Variants in RBFOX1 observed in about 807,000 individuals in gnomAD.
The protein encoded by RBFOX1 is RNA binding fox-1 homolog 1, also known as RNA binding protein fox-1 homolog 1.
RBFOX1 carries 8 observed loss-of-function variants against 57.7 expected under a neutral mutation model. The ratio of observed to expected loss-of-function variants is 0.14; its 90% CI spans 0.08 to 0.25. The LOEUF is 0.25. Among genes scored for constraint, RBFOX1 ranks in the 10% least tolerant of loss-of-function variants. The probability of loss-of-function intolerance (pLI) is 1.00; values close to 1 mark genes in which losing one functional copy is unlikely to be tolerated. For missense variants in RBFOX1, 611 were observed against 548.5 expected, an observed-to-expected ratio of 1.11 and a Z score of -1.14; for synonymous variants, 326 against 222.4, an observed-to-expected ratio of 1.47 and a Z score of -4.15.
chr16:6,895,568 G>C (rs924509635), intron 3 of RBFOX1, among the ~76,000 whole-genome samples: 6 of 149,938 alleles, frequency 4.0e-5, no homozygotes, highest in South Asian at 2.1e-4. Context: ...TGAGAGGAAG[G>C]ATCTATGTTC....
chr16:5,429,787 G>C (rs557378351), intron 1 of RBFOX1, among the ~76,000 whole-genome samples: 2 of 152,300 alleles, frequency 1.3e-5, no homozygotes, highest in South Asian at 2.1e-4. Flanking sequence ...GTGGCTGATG[G>C]AGTGATTTAG....
chr16:6,845,553 A>T (rs937704260), intron 3 of RBFOX1, among the ~76,000 whole-genome samples: 1 of 152,034 alleles, frequency 6.6e-6, no homozygotes, highest in Admixed American at 6.6e-5. Flanking sequence ...CTGTTTTTGC[A>T]CCAGTGCCAT....
chr16:7,553,400 C>T (rs565188644), intron 5 of RBFOX1, among the ~76,000 whole-genome samples: 5 of 152,320 alleles, frequency 3.3e-5, no homozygotes, highest in South Asian at 4.1e-4. Flanking sequence ...TAGCATTGGT[C>T]TTCCAAAGCA....
chr16:6,649,747 T>C (rs1158586874), intron 2 of RBFOX1, among the ~76,000 whole-genome samples: 1 of 152,226 alleles, frequency 6.6e-6, no homozygotes. Flanking sequence ...GGGGAAGTAT[T>C]TTATTACATA....
chr16:5,454,957 TC>T (rs1324419725), intron 1 of RBFOX1, among the ~76,000 whole-genome samples: 52 of 63,570 alleles, frequency 8.2e-4, no homozygotes, highest in African/African-American at 2.9e-3. Flanking sequence ...CTTCCTTCCT[TC>T]CTTTCTTTCT....
intron 2 of RBFOX1, among the ~76,000 whole-genome samples, chr16:6,505,957 G>A (rs964091498): frequency 2.0e-5 from 3 of 152,152 alleles, no homozygotes; most frequent in African/African-American, 7.2e-5. Flanking sequence ...TTAGTGACAT[G>A]GGTGGAAGAG....
intron 1 of RBFOX1, among the ~76,000 whole-genome samples, chr16:6,127,612 T>C (rs2096599362): frequency 6.6e-6 from 1 of 152,212 alleles, no homozygotes; most frequent in African/African-American, 2.4e-5. Flanking sequence ...TTCAAATAAT[T>C]CTGTTCTCCA....
intron 3 of RBFOX1, among the ~76,000 whole-genome samples, chr16:6,715,828 G>C (rs1485479533): frequency 1.3e-5 from 2 of 152,194 alleles, no homozygotes; most frequent in South Asian, 2.1e-4. Context: ...TGTGTTTCTT[G>C]AGATCATGAA....
intron 3 of RBFOX1, among the ~76,000 whole-genome samples, chr16:6,983,274 G>C (rs2089434378): frequency 6.6e-6 from 1 of 152,076 alleles, no homozygotes; most frequent in Non-Finnish European, 1.5e-5. Context: ...AACTGCATTA[G>C]AATGATGTGC....
At chr16:5,913,014 C>A (rs1186547127) in intron 4 of RBFOX1, among the ~76,000 whole-genome samples, 1 of 152,122 alleles carries the variant, frequency 6.6e-6, no homozygotes, top group Non-Finnish European at 1.5e-5. Flanking sequence ...GGTCAGAAGA[C>A]CCAAGTCTAA....
At chr16:7,394,051 A>T (rs2098094318) in intron 4 of RBFOX1, among the ~76,000 whole-genome samples, 1 of 151,856 alleles carries the variant, frequency 6.6e-6, no homozygotes, top group Non-Finnish European at 1.5e-5. Flanking sequence ...TCCTGGCCAC[A>T]ATGGTGAAAC....
chr16:7,234,608 G>GTGTA (rs1343433277), intron 4 of RBFOX1, among the ~76,000 whole-genome samples: 7 of 149,408 alleles, frequency 4.7e-5, no homozygotes, highest in South Asian at 2.1e-4. Context: ...GTGTGTGTGT[G>GTGTA]TATATATATG....
intron 4 of RBFOX1, among the ~76,000 whole-genome samples, chr16:5,895,067 G>T (rs916938338): frequency 6.6e-6 from 1 of 150,474 alleles, no homozygotes; most frequent in South Asian, 2.1e-4. Flanking sequence ...TATTACACAA[G>T]TACTGAACTC....
At chr16:6,583,933 TTCA>T (rs1405683510) in intron 2 of RBFOX1, among the ~76,000 whole-genome samples, 1 of 152,056 alleles carries the variant, frequency 6.6e-6, no homozygotes. Flanking sequence ...CGATTGTATC[TTCA>T]TCACTCCAGT....
intron 4 of RBFOX1, among the ~76,000 whole-genome samples, chr16:7,265,094 A>G (rs1012062364): frequency 6.6e-6 from 1 of 152,254 alleles, no homozygotes; most frequent in African/African-American, 2.4e-5. Context: ...TGTTCTAGCA[A>G]TATTTATTGA....
chr16:7,427,884 C>G (rs1409174195), intron 4 of RBFOX1, among the ~76,000 whole-genome samples: 2 of 152,182 alleles, frequency 1.3e-5, no homozygotes, highest in Non-Finnish European at 1.5e-5. Context: ...AAACCCCTGA[C>G]CTCAGATGAT....
chr16:7,597,979 G>T (rs1026367302), intron 9 of RBFOX1, among the ~76,000 whole-genome samples: 2 of 152,120 alleles, frequency 1.3e-5, no homozygotes, highest in Non-Finnish European at 2.9e-5. Flanking sequence ...AGTTGAGAAT[G>T]TTGCTTTGTA....
In RBFOX1 at chr16:7,662,462, C is replaced by T. The variant is rs138695346; in HGVS notation, c.891-2467C>T. On this transcript the variant is annotated intron_variant, in intron 12 of 15. Transcript: ENST00000550418. ...AAGCAATGACTCAATCTCCTTCTGA[C>T]GCCTTCTCATGCCCACCCTTCCCTC... 3.6e-3 allele frequency among the ~76,000 whole-genome samples: 550 copies of T among 152,308 alleles called. 3 individuals are homozygous for T. Among genetic ancestry groups the T allele is most frequent in the Middle Eastern group, 0.027 (8 of 294 alleles).
At chr16:7,080,566 C>G (rs936456681) in intron 4 of RBFOX1, among the ~76,000 whole-genome samples, 2 of 152,276 alleles carry the variant, frequency 1.3e-5, no homozygotes, top group South Asian at 2.1e-4. Flanking sequence ...CTGACCTGTT[C>G]AGAGATTCCT....
Sources: allele counts gnomAD v4.1 joint callset (sites outside exome capture counted in the v4.1 genomes callset), GRCh38; gene constraint gnomAD v4.1.1; transcripts MANE v1.5; gene names NCBI Gene and HGNC (gene_info 2026-07-23, HGNC 2026-07-21).